The following RAD54L variants were observed in gnomAD, a reference collection of about 807,000 sequenced individuals.
RAD54L encodes RAD54 like.
Under a neutral mutation model 91.6 loss-of-function variants are expected in RAD54L, and 74 were observed. The observed-to-expected ratio is 0.81, with a 90% CI of 0.67 to 0.98. The LOEUF is 0.98. RAD54L is among the 50% of genes least tolerant of loss of function. RAD54L has a pLI of 0.00. For missense variants in RAD54L, 887 were observed against 945.7 expected, an observed-to-expected ratio of 0.94 and a Z score of 0.81; for synonymous variants, 304 against 349.7, an observed-to-expected ratio of 0.87 and a Z score of 1.46.
intron 14 of RAD54L, 61 bp from the exon 15 acceptor site, chr1:46,274,077 T>C (rs571355576): frequency 3.3e-6 from 5 of 1,502,430 alleles, no homozygotes; most frequent in Admixed American, 1.7e-5. Flanking sequence ...TTTTTATTTT[T>C]AATTTTTTTT....
rs2148288035 is a variant in RAD54L at position 46,260,720 on chromosome 1, T to A, written c.478-7T>A. ...GCCAAAGTGGACTGAAGGCTGTTATTCTCTAGGGAGTGAAATTCCTGTGGG... is the reference window on the plus strand; with the variant it reads ...GCCAAAGTGGACTGAAGGCTGTTATACTCTAGGGAGTGAAATTCCTGTGGG... On this transcript the variant is annotated splice_polypyrimidine_tract_variant and splice_region_variant and intron_variant, in intron 6 of 17. Transcript: ENST00000371975. 1.2e-6 allele frequency: 2 copies of A among 1,614,202 alleles called. No individual in the cohort carries two copies. The highest frequency in any genetic ancestry group is 1.7e-6 in the Non-Finnish European group (2 of 1,180,044).
intron 3 of RAD54L, among the ~76,000 whole-genome samples, chr1:46,255,960 C>G (rs537260528): frequency 6.6e-6 from 1 of 152,324 alleles, no homozygotes; most frequent in East Asian, 1.9e-4. Flanking sequence ...CTTGGCTACT[C>G]AGAGCCTCAA....
chr1:46,268,255 A>G (rs1322933535), intron 9 of RAD54L, among the ~76,000 whole-genome samples: 1 of 152,062 alleles, frequency 6.6e-6, no homozygotes, highest in Non-Finnish European at 1.5e-5. Flanking sequence ...GGTCCTAGCT[A>G]TTCAGGAGGC....
At chr1:46,248,631 G>C in intron 2 of RAD54L, 33 bp downstream of exon 2, 1 of 1,599,716 alleles carries the variant, frequency 6.3e-7, no homozygotes, top group Non-Finnish European at 8.6e-7. Context: ...AAGGTGGGTA[G>C]AGCTGTTTGG....
rs72899079 is a variant in RAD54L at position 46,257,205 on chromosome 1, G to T, written c.211-1481G>T. ...AAGTACATTTGAATTTCTAGACATTGATGATGTGTGAAGAAATGAGTCAGA... is the reference window on the plus strand; with the variant it reads ...AAGTACATTTGAATTTCTAGACATTTATGATGTGTGAAGAAATGAGTCAGA... On this transcript the variant is annotated intron_variant, in intron 3 of 17. Transcript: ENST00000371975. 8.1e-3 allele frequency among the ~76,000 whole-genome samples: 1,224 copies of T among 150,842 alleles called. 19 individuals are homozygous for T. Among genetic ancestry groups the T allele is most frequent in the Middle Eastern group, 0.035 (10 of 284 alleles).
Position 46,272,025 on chromosome 1 carries a change from C to CTTTTTTTTTTTTTTTTTTTTTT in RAD54L, c.1170-428_1170-407dup, listed in dbSNP as rs1162693010. ...GATGTGTTTGACATAGGTCTGATGACTTTTTTTTTTTTTTTTTTTTTTTTT... is the reference window on the plus strand; with the variant it reads ...GATGTGTTTGACATAGGTCTGATGACTTTTTTTTTTTTTTTTTTTTTTTTTTTTTTTTTTTTTTTTTTTTTTT... On this transcript the variant is annotated intron_variant, in intron 10 of 17. Coordinates refer to ENST00000371975, the MANE Select transcript of RAD54L (RefSeq NM_003579.4). Among the ~76,000 whole-genome samples the CTTTTTTTTTTTTTTTTTTTTTT allele has an allele frequency of 2.2e-4, 9 of 41,170 alleles. 2 individuals are homozygous for CTTTTTTTTTTTTTTTTTTTTTT. The highest frequency in any genetic ancestry group is 6.6e-4 in the African/African-American group (5 of 7,538). 27.0% of individuals were successfully genotyped at this position (41,170 alleles called of 152,430 possible). A position where few individuals can be genotyped will look rare whatever the true frequency, so the allele number is the denominator to read the frequency against.
intron 8 of RAD54L, 121 bp downstream of exon 8, chr1:46,261,506 G>C: frequency 1.6e-6 from 2 of 1,279,350 alleles, no homozygotes; most frequent in Admixed American, 1.9e-5. Context: ...TGCTGCCTTG[G>C]AGACAAGTGA....
At chr1:46,248,994 G>C (rs1659729826) in intron 2 of RAD54L, among the ~76,000 whole-genome samples, 1 of 152,154 alleles carries the variant, frequency 6.6e-6, no homozygotes, top group Non-Finnish European at 1.5e-5. Flanking sequence ...CTTGGGCCTA[G>C]ATCTGACAGG....
At chr1:46,274,481 C>A in intron 15 of RAD54L, 57 bp from the exon 16 acceptor site, 1 of 1,580,288 alleles carries the variant, frequency 6.3e-7, no homozygotes, top group Non-Finnish European at 8.7e-7. Flanking sequence ...TTGGGCTGAG[C>A]AGGATCCCAG....
chr1:46,266,787 A>C (rs1660276382), intron 8 of RAD54L, among the ~76,000 whole-genome samples: 1 of 152,166 alleles, frequency 6.6e-6, no homozygotes, highest in African/African-American at 2.4e-5. Context: ...CCCTGAAAGC[A>C]TGGGTTTGTC....
chr1:46,261,847 G>A (rs1281410695), intron 8 of RAD54L, among the ~76,000 whole-genome samples: 4 of 152,142 alleles, frequency 2.6e-5, no homozygotes, highest in Non-Finnish European at 4.4e-5. Flanking sequence ...TTAAAGGGGG[G>A]CTGGCCACGA....
rs202082128 is a variant in RAD54L, at chr1:46,248,402, C to G, written c.-4C>G. On this transcript the variant is annotated 5_prime_UTR_variant, in exon 1 of 18. Coordinates refer to ENST00000371975, the MANE Select transcript of RAD54L (RefSeq NM_003579.4). Reference sequence around the variant, plus strand: ...ACTTGACGTTTTAAACTCCTAGGCCCAGGATGGTAAGTGTGGGCCTAGGGG... The same window carrying G: ...ACTTGACGTTTTAAACTCCTAGGCCGAGGATGGTAAGTGTGGGCCTAGGGG... 2,513 of 1,613,946 alleles carry G rather than the reference C, an allele frequency of 1.6e-3. 7 individuals carry two copies. Among genetic ancestry groups the G allele is most frequent in the Middle Eastern group, 4.4e-3 (26 of 5,952 alleles).
In RAD54L at chr1:46,273,439, C is replaced by G. The variant is rs372225086; in HGVS notation, c.1460C>G (p.Ser487Cys). 2 of 1,613,762 alleles carry G rather than the reference C, an allele frequency of 1.2e-6. No homozygotes were observed. The highest frequency in any genetic ancestry group is 8.5e-7 in the Non-Finnish European group (1 of 1,179,814). The change falls in exon 13 of 18, where the codon TCT (serine) becomes TGT (cysteine). Residue 487 changes from serine (S) to cysteine (C), a missense_variant. Transcript: ENST00000371975. ...GACCTCTTCCCTCCTGGTTACAGCT[C>G]TAAGGCCCTGGAGCCCCAGCTGTCA... ...ALDLFPPGYS[S>C]KALEPQLSGK...
chr1:46,252,989 T>G (rs1436605925), intron 3 of RAD54L, among the ~76,000 whole-genome samples: 1 of 152,042 alleles, frequency 6.6e-6, no homozygotes, highest in Non-Finnish European at 1.5e-5. Context: ...GGAGGATCGT[T>G]TGAGCTGAGG....
intron 9 of RAD54L, 34 bp downstream of exon 9, chr1:46,267,643 G>A (rs2148295223): frequency 6.3e-7 from 1 of 1,575,646 alleles, no homozygotes; most frequent in South Asian, 1.1e-5. Flanking sequence ...ACATCAGAGA[G>A]GAGCCCTGCC....
At chr1:46,270,019 G>A (rs1000614462) in intron 9 of RAD54L, among the ~76,000 whole-genome samples, 1 of 151,828 alleles carries the variant, frequency 6.6e-6, no homozygotes, top group African/African-American at 2.4e-5. Context: ...GCTGTGGTGA[G>A]CCATGATTGC....
chr1:46,256,564 T>TA (rs1222609319), intron 3 of RAD54L, among the ~76,000 whole-genome samples: 1 of 150,926 alleles, frequency 6.6e-6, no homozygotes, highest in African/African-American at 2.4e-5. Context: ...AGCCAGGACT[T>TA]AGAGACTGCA....
rs780138379 is a variant in RAD54L at position 46,273,480 on chromosome 1, A to G, written c.1486+15A>G. The G allele has an allele frequency of 2.3e-5, 37 of 1,611,252 alleles. No individual in the cohort carries two copies. Among genetic ancestry groups the G allele is most frequent in the Non-Finnish European group, 3.1e-5 (37 of 1,178,056 alleles). On this transcript the variant is annotated intron_variant, in intron 13 of 17. Transcript: ENST00000371975. ...CCAGCTGTCAGGTGACCCTTTTCCT[A>G]CCAGTATTTGGGCTTCTCTAGGAGG...
intron 12 of RAD54L, 46 bp downstream of exon 12, chr1:46,272,848 G>T (rs752208290): frequency 4.3e-6 from 7 of 1,612,134 alleles, no homozygotes; most frequent in Non-Finnish European, 4.2e-6. Flanking sequence ...AGTGAGCAAG[G>T]GAGGGTAGGT....
Sources: gnomAD v4.1 joint callset for allele counts (sites outside exome capture counted in the v4.1 genomes callset) on GRCh38, gnomAD v4.1.1 for gene constraint, MANE v1.5 for transcripts, NCBI Gene and HGNC (gene_info 2026-07-23, HGNC 2026-07-21) for gene names.